The following KCNQ5 variants were observed in gnomAD, a reference collection of about 807,000 sequenced individuals.
KCNQ5 encodes the protein potassium voltage-gated channel subfamily Q member 5, also known as potassium voltage-gated channel subfamily KQT member 5.
A neutral mutation model predicts 98.2 loss-of-function variants in KCNQ5; 30 were observed. The ratio of observed to expected loss-of-function variants is 0.31; its 90% CI spans 0.23 to 0.41. The LOEUF is 0.41. Among genes scored for constraint, KCNQ5 ranks in the 10% least tolerant of loss-of-function variants. KCNQ5 has a pLI of 1.00. For missense variants in KCNQ5, 835 were observed against 1,182.5 expected (o/e 0.71, Z 4.31); for synonymous variants, 458 against 449.4 (o/e 1.02, Z -0.24).
At chr6:73,157,830 G>T in intron 10 of KCNQ5, 2 of 779,702 alleles carry the variant, frequency 2.6e-6, no homozygotes, top group Non-Finnish European at 4.8e-6. Flanking sequence ...TGTTGGCTTT[G>T]GCAAACTCTA....
At chr6:72,937,932 T>C (rs1766021946) in intron 1 of KCNQ5, among the ~76,000 whole-genome samples, 1 of 152,176 alleles carries the variant, frequency 6.6e-6, no homozygotes, top group Non-Finnish European at 1.5e-5. Context: ...GGCTATGTAG[T>C]CAAAAGGCTT....
At chr6:73,190,728 T>C (rs773749312) in intron 12 of KCNQ5, 24 bp downstream of exon 12, 1 of 1,500,720 alleles carries the variant, frequency 6.7e-7, no homozygotes, top group Non-Finnish European at 9.0e-7. Flanking sequence ...ATGTCATTCC[T>C]TGTAAAGGAA....
chr6:72,761,199 C>T (rs1294022639), intron 1 of KCNQ5, among the ~76,000 whole-genome samples: 1 of 152,038 alleles, frequency 6.6e-6, no homozygotes, highest in Non-Finnish European at 1.5e-5. Flanking sequence ...GAATGATGAA[C>T]TTATTTCTTT....
At chr6:72,790,628 T>TA (rs1773989001) in intron 1 of KCNQ5, among the ~76,000 whole-genome samples, 1 of 152,114 alleles carries the variant, frequency 6.6e-6, no homozygotes, top group Admixed American at 6.5e-5. Context: ...TGGTAAAAAA[T>TA]AATTTTATTG....
At chr6:73,159,742 T>A (rs1289590446) in intron 10 of KCNQ5, among the ~76,000 whole-genome samples, 1 of 152,212 alleles carries the variant, frequency 6.6e-6, no homozygotes, top group African/African-American at 2.4e-5. Context: ...TATTTGTACA[T>A]ATATATTTTG....
At chr6:73,155,383 G>A (rs1777320307) in intron 10 of KCNQ5, among the ~76,000 whole-genome samples, 1 of 152,208 alleles carries the variant, frequency 6.6e-6, no homozygotes, top group African/African-American at 2.4e-5. Flanking sequence ...TCAGCACCTA[G>A]AAATTACCAG....
intron 1 of KCNQ5, among the ~76,000 whole-genome samples, chr6:72,688,102 T>A (rs1768046188): frequency 6.6e-6 from 1 of 152,142 alleles, no homozygotes; most frequent in Non-Finnish European, 1.5e-5. Context: ...CTCCCAATAC[T>A]GATCACTTTT....
intron 1 of KCNQ5, among the ~76,000 whole-genome samples, chr6:72,688,510 C>G (rs373238955): frequency 3.9e-5 from 6 of 151,954 alleles, no homozygotes; most frequent in Non-Finnish European, 7.4e-5. Context: ...ATGGAGTTCC[C>G]GCTTGTAAAT....
intron 1 of KCNQ5, among the ~76,000 whole-genome samples, chr6:72,943,798 A>G (rs1397405700): frequency 6.6e-6 from 1 of 152,214 alleles, no homozygotes; most frequent in East Asian, 1.9e-4. Context: ...GTAACACAAA[A>G]TGACTGCTAA....
chr6:72,822,059 A>G lies in KCNQ5; in HGVS notation c.399-181849A>G, dbSNP rs189140129. ...TCTTTTCCCTAATAACCTAGGGCTC[A>G]TAGCATGCTCCATAATGCCCTTTCT... On this transcript the variant is annotated intron_variant, in intron 1 of 13. Coordinates refer to ENST00000370398, the MANE Select transcript of KCNQ5 (RefSeq NM_019842.4). Among the ~76,000 whole-genome samples the G allele has an allele frequency of 2.0e-5, 3 of 152,234 alleles. No homozygotes were observed. In the East Asian group the frequency reaches 5.8e-4, roughly 29 times the overall value.
chr6:73,157,576 G>A (rs1777417576), intron 10 of KCNQ5: 2 of 764,548 alleles, frequency 2.6e-6, no homozygotes, highest in African/African-American at 1.7e-5. Context: ...GGGAACCAGC[G>A]CACCTGGCAT....
At chr6:72,928,024 T>G (rs1582032435) in intron 1 of KCNQ5, among the ~76,000 whole-genome samples, 1 of 151,870 alleles carries the variant, frequency 6.6e-6, no homozygotes, top group Admixed American at 6.6e-5. Flanking sequence ...GGAGGGAAAA[T>G]AGAAAAATTA....
intron 2 of KCNQ5, among the ~76,000 whole-genome samples, chr6:73,026,861 A>C (rs536952688): frequency 2.0e-5 from 3 of 152,166 alleles, no homozygotes; most frequent in South Asian, 4.2e-4. Context: ...GAAAAAAAAA[A>C]CTGAGGCACA....
intron 1 of KCNQ5, among the ~76,000 whole-genome samples, chr6:72,966,466 G>C (rs549174609): frequency 6.6e-6 from 1 of 152,032 alleles, no homozygotes; most frequent in East Asian, 1.9e-4. Flanking sequence ...TACTCAGGAG[G>C]CTGAGGAAGG....
intron 2 of KCNQ5, among the ~76,000 whole-genome samples, chr6:73,032,317 G>A (rs1450125472): frequency 6.6e-6 from 1 of 152,118 alleles, no homozygotes; most frequent in African/African-American, 2.4e-5. Context: ...ACAGGCACCT[G>A]TCACCATGCC....
At chr6:72,972,344 A>T (rs1049292306) in intron 1 of KCNQ5, among the ~76,000 whole-genome samples, 5 of 143,074 alleles carry the variant, frequency 3.5e-5, no homozygotes, top group Non-Finnish European at 6.1e-5. Context: ...ACCAGTCAAC[A>T]ATCATTGAGC....
chr6:73,071,846 A>G (rs540242739), intron 3 of KCNQ5, among the ~76,000 whole-genome samples: 6 of 152,326 alleles, frequency 3.9e-5, no homozygotes, highest in Middle Eastern at 3.4e-3. Context: ...TTGGAGGTCA[A>G]ATATCCAAAC....
chr6:73,097,294 G>A (rs1372890027), intron 5 of KCNQ5, among the ~76,000 whole-genome samples: 1 of 150,752 alleles, frequency 6.6e-6, no homozygotes, highest in African/African-American at 2.4e-5. Context: ...CATTGTTTCA[G>A]ATTCCCCATG....
chr6:72,740,755 T>G (rs557043724), intron 1 of KCNQ5, among the ~76,000 whole-genome samples: 109 of 152,304 alleles, frequency 7.2e-4, no homozygotes, highest in Non-Finnish European at 1.3e-3. Flanking sequence ...GTCAGCAAGC[T>G]GCTGGTGCCA....
Sources: gnomAD v4.1 joint callset for allele counts (sites outside exome capture counted in the v4.1 genomes callset) on GRCh38, gnomAD v4.1.1 for gene constraint, MANE v1.5 for transcripts, NCBI Gene and HGNC (gene_info 2026-07-23, HGNC 2026-07-21) for gene names.